The following C10orf90 variants were observed in gnomAD, a reference collection of about 807,000 sequenced individuals.
The protein encoded by C10orf90 is chromosome 10 open reading frame 90.
C10orf90 carries 56 observed loss-of-function variants against 62.5 expected under a neutral mutation model. The ratio of observed to expected loss-of-function variants is 0.90; its 90% CI spans 0.72 to 1.12. C10orf90 has a LOEUF of 1.12. Among genes scored for constraint, C10orf90 ranks in the 50% most tolerant of loss-of-function variants. C10orf90 has a pLI of 0.00. For synonymous variants in C10orf90, 386 were observed against 340.4 expected, an observed-to-expected ratio of 1.13 and a Z score of -1.47; for missense variants, 970 against 880.4, an observed-to-expected ratio of 1.10 and a Z score of -1.29.
chr10:126,471,600 T>G (rs1006210651), intron 4 of C10orf90, among the ~76,000 whole-genome samples: 1 of 152,190 alleles, frequency 6.6e-6, no homozygotes, highest in African/African-American at 2.4e-5. Context: ...AAGCACCCTG[T>G]GTATTCAGAG....
At chr10:126,475,698 T>C (rs1250228312) in intron 4 of C10orf90, among the ~76,000 whole-genome samples, 1 of 152,196 alleles carries the variant, frequency 6.6e-6, no homozygotes, top group East Asian at 1.9e-4. Flanking sequence ...TTAACCTTAA[T>C]TCATGGTCAT....
chr10:126,594,549 C>A (rs958644171), intron 2 of C10orf90, among the ~76,000 whole-genome samples: 3 of 152,150 alleles, frequency 2.0e-5, no homozygotes, highest in African/African-American at 7.2e-5. Context: ...CAGCACCCTC[C>A]TGGTGACTGT....
At chr10:126,565,426 T>TATATTATAAAATA (rs1375705834) in intron 2 of C10orf90, among the ~76,000 whole-genome samples, 3 of 57,210 alleles carry the variant, frequency 5.2e-5, no homozygotes, top group South Asian at 7.7e-4. Context: ...TTATATATAT[T>TATATTATAAAATA]ATATATATTA....
At chr10:126,535,129 A>T (rs528612008) in intron 2 of C10orf90, among the ~76,000 whole-genome samples, 1 of 152,288 alleles carries the variant, frequency 6.6e-6, no homozygotes, top group East Asian at 1.9e-4. Flanking sequence ...AAATATATAT[A>T]CATACACACA....
rs146576460 is a variant in C10orf90 at position 126,609,949 on chromosome 10, C to T, written c.313+36616G>A. 9.7e-3 allele frequency among the ~76,000 whole-genome samples: 1,476 copies of T among 152,272 alleles called. 23 individuals carry two copies. Among genetic ancestry groups the T allele is most frequent in the African/African-American group, 0.032 (1,326 of 41,558 alleles). ...CTTGCCTGGGTAGACCTATTAAGGC[C>T]GCTCACATTGGACCTGTACCTGGAG... On this transcript the variant is annotated intron_variant, in intron 2 of 9. Coordinates refer to ENST00000488181, the MANE Select transcript of C10orf90 (RefSeq NM_001350921.2).
intron 2 of C10orf90, among the ~76,000 whole-genome samples, chr10:126,525,261 C>T (rs908667917): frequency 6.6e-6 from 1 of 152,320 alleles, no homozygotes; most frequent in Admixed American, 6.5e-5. Flanking sequence ...GAGGCGCATT[C>T]GGCCCACTGC....
intron 1 of C10orf90, among the ~76,000 whole-genome samples, chr10:126,669,839 C>T (rs1008714049): frequency 6.6e-6 from 1 of 152,026 alleles, no homozygotes; most frequent in African/African-American, 2.4e-5. Context: ...TATTCTCCTA[C>T]AAAACGCAAC....
chr10:126,502,684 GGGT>G (rs1862472336), intron 4 of C10orf90: 11 of 396,176 alleles, frequency 2.8e-5, no homozygotes, highest in Non-Finnish European at 4.6e-5. Flanking sequence ...GCTTTAACTG[GGGT>G]AACATACAAC....
At chr10:126,645,885 A>G (rs1440395193) in intron 2 of C10orf90, among the ~76,000 whole-genome samples, 1 of 152,242 alleles carries the variant, frequency 6.6e-6, no homozygotes, top group South Asian at 2.1e-4. Context: ...TGCCACATTT[A>G]TAAATTAAAA....
chr10:126,524,698 T>C (rs890952932), intron 2 of C10orf90: 2 of 985,876 alleles, frequency 2.0e-6, no homozygotes, highest in African/African-American at 1.7e-5. Context: ...TCCTCTGGGC[T>C]CATCTTCCTC....
chr10:126,458,563 G>A (rs535341198), intron 7 of C10orf90, among the ~76,000 whole-genome samples: 1 of 152,322 alleles, frequency 6.6e-6, no homozygotes, highest in East Asian at 1.9e-4. Context: ...CAGGATCAGT[G>A]TGACACTGGC....
chr10:126,447,978 A>G (rs1276257745), intron 7 of C10orf90, among the ~76,000 whole-genome samples: 1 of 148,252 alleles, frequency 6.7e-6, no homozygotes, highest in Admixed American at 6.7e-5. Context: ...CAGCCTCCCA[A>G]GCAGCTGGGA....
intron 4 of C10orf90, among the ~76,000 whole-genome samples, chr10:126,481,392 C>G (rs186716235): frequency 1.4e-3 from 220 of 152,384 alleles, no homozygotes; most frequent in Non-Finnish European, 2.5e-3. Flanking sequence ...ACACATGGCA[C>G]TCAATAAACA....
intron 2 of C10orf90, among the ~76,000 whole-genome samples, chr10:126,641,997 C>T (rs1441799004): frequency 6.6e-6 from 1 of 152,148 alleles, no homozygotes; most frequent in African/African-American, 2.4e-5. Context: ...TCAGAGATGA[C>T]ATTCAATTCT....
intron 7 of C10orf90, among the ~76,000 whole-genome samples, chr10:126,437,328 C>A (rs1857987232): frequency 6.6e-6 from 1 of 152,210 alleles, no homozygotes; most frequent in Non-Finnish European, 1.5e-5. Context: ...CCTGAACCAG[C>A]TGCATCAACA....
intron 2 of C10orf90, among the ~76,000 whole-genome samples, chr10:126,514,995 T>A (rs775804679): frequency 6.6e-6 from 1 of 152,348 alleles, no homozygotes; most frequent in South Asian, 2.1e-4. Context: ...GCTCCCCAAC[T>A]GCTAGTGCAG....
At chr10:126,546,853 G>A (rs924601121) in intron 2 of C10orf90, among the ~76,000 whole-genome samples, 8 of 152,208 alleles carry the variant, frequency 5.3e-5, no homozygotes, top group Admixed American at 6.5e-5. Context: ...CACCAGGTGC[G>A]GTGGCTCAGG....
chr10:126,534,980 G>T (rs1250745263), intron 2 of C10orf90, among the ~76,000 whole-genome samples: 2 of 152,120 alleles, frequency 1.3e-5, no homozygotes, highest in South Asian at 4.1e-4. Context: ...TAGGTGGTTT[G>T]CTCAGAGCAT....
chr10:126,500,901 G>T (rs903860279), intron 4 of C10orf90, among the ~76,000 whole-genome samples: 2 of 152,112 alleles, frequency 1.3e-5, no homozygotes, highest in African/African-American at 4.8e-5. Flanking sequence ...AAATTGCTTT[G>T]CCTCTGTTTG....
Sources: allele counts gnomAD v4.1 joint callset (sites outside exome capture counted in the v4.1 genomes callset), GRCh38; gene constraint gnomAD v4.1.1; transcripts MANE v1.5; gene names NCBI Gene and HGNC (gene_info 2026-07-23, HGNC 2026-07-21).